SSH2: variants seen among roughly 807,000 people sequenced by gnomAD.
SSH2 encodes the protein protein phosphatase Slingshot homolog 2.
In SSH2, 37 loss-of-function variants were observed where a neutral mutation model predicts 135.2. That is an observed-to-expected ratio of 0.27 (90% CI 0.21 to 0.36). The LOEUF (loss-of-function observed/expected upper bound fraction) is 0.36. SSH2 is among the 10% of genes least tolerant of loss of function. SSH2 has a pLI of 1.00. For missense variants in SSH2, 1,408 were observed against 1,765.3 expected (o/e 0.80, Z 3.63); for synonymous variants, 628 against 646.2 (o/e 0.97, Z 0.43).
chr17:29,696,172 TATAC>T (rs1347852441), intron 4 of SSH2, among the ~76,000 whole-genome samples: 78 of 116,624 alleles, frequency 6.7e-4, no homozygotes, highest in Admixed American at 3.3e-3. Context: ...TATGTATATA[TATAC>T]ACACACACAC....
intron 9 of SSH2, among the ~76,000 whole-genome samples, chr17:29,668,214 C>A (rs2037354817): frequency 1.3e-5 from 2 of 152,222 alleles, no homozygotes; most frequent in Non-Finnish European, 2.9e-5. Flanking sequence ...CTTTGGTAAT[C>A]TCCAAAGATG....
intron 2 of SSH2, among the ~76,000 whole-genome samples, chr17:29,834,731 G>C (rs1475404569): frequency 6.6e-6 from 1 of 151,978 alleles, no homozygotes. Context: ...TTAATTCTCA[G>C]ATCCATCTAT....
At chr17:29,900,225 A>C (rs1217792223) in intron 1 of SSH2, among the ~76,000 whole-genome samples, 1 of 152,252 alleles carries the variant, frequency 6.6e-6, no homozygotes, top group Non-Finnish European at 1.5e-5. Flanking sequence ...GGCATGGGCA[A>C]GGAATTTATG....
intron 3 of SSH2, among the ~76,000 whole-genome samples, chr17:29,778,835 C>CAAAAA (rs60595591): frequency 1.3e-4 from 5 of 37,866 alleles, no homozygotes; most frequent in East Asian, 1.1e-3. Context: ...CTCCGTCTCC[C>CAAAAA]AAAAAAAAAA....
At chr17:29,788,111 A>G (rs891236110) in intron 3 of SSH2, among the ~76,000 whole-genome samples, 1 of 151,988 alleles carries the variant, frequency 6.6e-6, no homozygotes, top group Non-Finnish European at 1.5e-5. Flanking sequence ...CTTATTTTTT[A>G]ATTGGGTTGT....
chr17:29,889,642 CA>C (rs1391081573), intron 1 of SSH2, among the ~76,000 whole-genome samples: 1 of 151,584 alleles, frequency 6.6e-6, no homozygotes, highest in Non-Finnish European at 1.5e-5. Context: ...AAAGACAACC[CA>C]GAGAATGGGA....
At chr17:29,644,224 A>G (rs969141924) in intron 14 of SSH2, among the ~76,000 whole-genome samples, 3 of 152,240 alleles carry the variant, frequency 2.0e-5, no homozygotes, top group Non-Finnish European at 4.4e-5. Flanking sequence ...TGACTTCCAG[A>G]GGGTTTGGCT....
At chr17:29,901,218 T>C (rs927963766) in intron 1 of SSH2, among the ~76,000 whole-genome samples, 4 of 152,098 alleles carry the variant, frequency 2.6e-5, no homozygotes, top group Admixed American at 6.6e-5. Flanking sequence ...ACATGGCATA[T>C]GTATACATAT....
intron 3 of SSH2, among the ~76,000 whole-genome samples, chr17:29,761,865 GTGTGTGTA>G (rs1195670791): frequency 1.5e-5 from 2 of 133,978 alleles, no homozygotes; most frequent in African/African-American, 6.0e-5. Context: ...GTGTGTGTGT[GTGTGTGTA>G]TATATATATA....
At chr17:29,708,450 C>T (rs1186798589) in intron 3 of SSH2, among the ~76,000 whole-genome samples, 9 of 151,904 alleles carry the variant, frequency 5.9e-5, no homozygotes, top group Admixed American at 5.9e-4. Context: ...ATTAGCCAGG[C>T]GTGGTGGCGG....
At chr17:29,723,487 A>G (rs2039888488) in intron 3 of SSH2, among the ~76,000 whole-genome samples, 1 of 152,222 alleles carries the variant, frequency 6.6e-6, no homozygotes. Context: ...AAATGGCAAT[A>G]GGGAAGCTGA....
intron 3 of SSH2, among the ~76,000 whole-genome samples, chr17:29,738,618 A>G (rs534375543): frequency 5.3e-5 from 8 of 150,932 alleles, no homozygotes; most frequent in South Asian, 2.1e-4. Flanking sequence ...CAGTGCTGCA[A>G]TCTTGGCTCA....
intron 3 of SSH2, among the ~76,000 whole-genome samples, chr17:29,732,356 G>A (rs745781935): frequency 1.3e-5 from 2 of 152,082 alleles, no homozygotes; most frequent in African/African-American, 2.4e-5. Context: ...TTTCACATTT[G>A]GAATAAATGT....
intron 2 of SSH2, among the ~76,000 whole-genome samples, chr17:29,828,739 A>G (rs56328028): frequency 1.3e-5 from 2 of 152,198 alleles, no homozygotes; most frequent in African/African-American, 4.8e-5. Context: ...AATACTATCA[A>G]CAATTAACCT....
At chr17:29,752,745 G>T (rs2040985219) in intron 3 of SSH2, among the ~76,000 whole-genome samples, 1 of 151,014 alleles carries the variant, frequency 6.6e-6, no homozygotes, top group Non-Finnish European at 1.5e-5. Context: ...CTAGGAGAAA[G>T]TATTTTTGCC....
chr17:29,868,827 G>A (rs184388436), intron 1 of SSH2, among the ~76,000 whole-genome samples: 6 of 151,754 alleles, frequency 4.0e-5, no homozygotes, highest in South Asian at 2.1e-4. Context: ...AATCCTCCCC[G>A]TTCCCTTGGA....
At chr17:29,836,381 G>A (rs370688452) in intron 2 of SSH2, among the ~76,000 whole-genome samples, 18 of 152,038 alleles carry the variant, frequency 1.2e-4, no homozygotes, top group Non-Finnish European at 2.1e-4. Context: ...TGTCTTCCCC[G>A]ATGGACTGTA....
intron 2 of SSH2, among the ~76,000 whole-genome samples, chr17:29,845,399 A>G (rs533439652): frequency 6.4e-4 from 98 of 152,212 alleles, no homozygotes; most frequent in African/African-American, 2.3e-3. Context: ...GAAAAGGGGG[A>G]AAAAAAGGTG....
chr17:29,781,100 G>A (rs370352742), intron 3 of SSH2, among the ~76,000 whole-genome samples: 2 of 151,806 alleles, frequency 1.3e-5, no homozygotes, highest in African/African-American at 4.8e-5. Flanking sequence ...CGTGAGCCAC[G>A]GCGCCCGGCC....
Sources: allele counts gnomAD v4.1 joint callset (sites outside exome capture counted in the v4.1 genomes callset), GRCh38; gene constraint gnomAD v4.1.1; transcripts MANE v1.5; gene names NCBI Gene and HGNC (gene_info 2026-07-23, HGNC 2026-07-21).